THNSL2: variants seen among roughly 807,000 people sequenced by gnomAD.
THNSL2 encodes threonine synthase-like 2.
A neutral mutation model predicts 40.0 loss-of-function variants in THNSL2; 34 were observed. The observed-to-expected ratio is 0.85, with a 90% CI of 0.65 to 1.13. The LOEUF (loss-of-function observed/expected upper bound fraction) is 1.13. Among genes scored for constraint, THNSL2 ranks in the 50% most tolerant of loss-of-function variants. THNSL2 has a pLI of 0.00. For missense variants in THNSL2, 537 were observed against 608.8 expected, an observed-to-expected ratio of 0.88 and a Z score of 1.24; for synonymous variants, 241 against 247.5, an observed-to-expected ratio of 0.97 and a Z score of 0.25.
Position 88,173,268 on chromosome 2 carries a change from A to G in THNSL2, c.118A>G (p.Arg40Gly). ...FMPEELPQLD[R>G]GTLCQWSTLS... ...GCCTGAAGAGCTCCCACAGTTGGAC[A>G]GAGGGACCCTGTGCCAGTGGAGCAC... Residue 40 changes from arginine (R) to glycine (G), a missense_variant, in exon 2 of 9, where the codon AGA becomes GGA. By Grantham distance (125) the Arg-to-Gly change is moderately radical. Coordinates refer to ENST00000674334, the MANE Select transcript of THNSL2 (RefSeq NM_018271.5). 1 of 1,612,450 alleles carries G rather than the reference A, an allele frequency of 6.2e-7. No individual in the cohort carries two copies. Among genetic ancestry groups the G allele is most frequent in the African/African-American group, 1.3e-5 (1 of 75,010 alleles).
chr2:88,177,470 T>G (rs1034908590), intron 4 of THNSL2, among the ~76,000 whole-genome samples: 1 of 152,206 alleles, frequency 6.6e-6, no homozygotes, highest in Admixed American at 6.5e-5. Context: ...AAGTGCTAGG[T>G]ATTTATTGTT....
Position 88,183,087 on chromosome 2 carries a change from C to T in THNSL2, c.1077+14C>T. 6.2e-7 allele frequency: 1 copy of T among 1,609,272 alleles called. No individual in the cohort carries two copies. Among genetic ancestry groups the T allele is most frequent in the Non-Finnish European group, 8.5e-7 (1 of 1,177,354 alleles). On this transcript the variant is annotated intron_variant, in intron 7 of 8. Coordinates refer to ENST00000674334, the MANE Select transcript of THNSL2 (RefSeq NM_018271.5). ...CTGCACAGCAAGGTCAGTCACTACC[C>T]ACACACCACAGAGAAAGGAAAGGGT...
intron 2 of THNSL2, among the ~76,000 whole-genome samples, chr2:88,174,252 A>T (rs1319987647): frequency 3.3e-5 from 5 of 152,174 alleles, no homozygotes; most frequent in Non-Finnish European, 7.4e-5. Flanking sequence ...TAATGTAAGA[A>T]ACAAAAAGCT....
chr2:88,179,869 G>A (rs1573192448), intron 5 of THNSL2, among the ~76,000 whole-genome samples: 1 of 152,338 alleles, frequency 6.6e-6, no homozygotes, highest in Middle Eastern at 3.4e-3. Flanking sequence ...TAGTCTGGCT[G>A]CAGAGCTGGT....
At chr2:88,170,552 G>T (rs1172829546) in intron 1 of THNSL2, 96 bp downstream of exon 1, 1 of 152,346 alleles carries the variant, frequency 6.6e-6, no homozygotes, top group Non-Finnish European at 1.5e-5. Context: ...CCTGATTCCC[G>T]CAGGCCCACG....
intron 1 of THNSL2, among the ~76,000 whole-genome samples, chr2:88,170,774 C>T (rs1676279987): frequency 6.6e-6 from 1 of 152,096 alleles, no homozygotes; most frequent in Non-Finnish European, 1.5e-5. Flanking sequence ...AGGCCGCCCT[C>T]CTTGGCGGGA....
In THNSL2 at chr2:88,174,668, C is replaced by T. The variant is rs781032836; in HGVS notation, c.253C>T (p.Arg85Cys). 7 of 1,614,128 alleles carry T rather than the reference C, an allele frequency of 4.3e-6. No individual in the cohort carries two copies. The East Asian group carries it at 6.7e-5, about 15-fold the overall frequency. The change falls in exon 3 of 9, where the codon CGT becomes TGT. Residue 85 changes from arginine (R) to cysteine (C), a missense_variant. Physicochemically the swap from Arg to Cys is radical, Grantham distance 180. Coordinates refer to ENST00000674334, the MANE Select transcript of THNSL2 (RefSeq NM_018271.5). ...GATCGACCGAGCCTTCAGCAGATTC[C>T]GTCACAGAGAAGTGGTCCATCTGTC... ...DLIDRAFSRFRHREVVHLSRL... is the reference protein window; with the variant it reads ...DLIDRAFSRFCHREVVHLSRL...
chr2:88,173,156 G>A lies in THNSL2; in HGVS notation c.6G>A (p.Trp2Ter). M[W>*]YVSTRGVAPR... ...CTCTGCAGGCCTCCAGGATCATGTGGTATGTCAGCACCAGGGGCGTAGCCC... is the reference window on the plus strand; with the variant it reads ...CTCTGCAGGCCTCCAGGATCATGTGATATGTCAGCACCAGGGGCGTAGCCC... The change falls in exon 2 of 9, where the codon TGG (tryptophan) becomes TGA (stop). Residue 2 changes from tryptophan (W) to a stop codon, truncating the protein, a stop_gained. Coordinates refer to ENST00000674334, the MANE Select transcript of THNSL2 (RefSeq NM_018271.5). LOFTEE classifies it high-confidence loss of function. 1 of 1,556,892 alleles carries A rather than the reference G, an allele frequency of 6.4e-7. No individual in the cohort carries two copies. Among genetic ancestry groups the A allele is most frequent in the Non-Finnish European group, 8.7e-7 (1 of 1,149,392 alleles).
chr2:88,172,257 C>A (rs984955110), intron 1 of THNSL2: 2 of 152,278 alleles, frequency 1.3e-5, no homozygotes, highest in Non-Finnish European at 2.9e-5. Context: ...GGGAAAGTAA[C>A]TGATGTGGAA....
chr2:88,185,322 C>T lies in THNSL2; in HGVS notation c.1078-6C>T, dbSNP rs750541957. 9 of 1,611,614 alleles carry T rather than the reference C, an allele frequency of 5.6e-6. No homozygotes were observed. In the Admixed American group the frequency reaches 6.7e-5, roughly 12 times the overall value. Reference sequence around the variant, plus strand: ...CACCTCATCTTTCTGACCTGGGACCCTTCAGCTTTCAGAGGCAGTGACATC... The same window carrying T: ...CACCTCATCTTTCTGACCTGGGACCTTTCAGCTTTCAGAGGCAGTGACATC... On this transcript the variant is annotated splice_polypyrimidine_tract_variant and splice_region_variant and intron_variant, in intron 7 of 8. Transcript: ENST00000674334.
intron 8 of THNSL2, 63 bp from the exon 9 acceptor site, chr2:88,185,835 C>G: frequency 6.5e-7 from 1 of 1,544,964 alleles, no homozygotes; most frequent in Non-Finnish European, 8.8e-7. Context: ...CCTCCACCTT[C>G]TCCTTTCCCA....
intron 5 of THNSL2, among the ~76,000 whole-genome samples, chr2:88,181,782 C>G (rs1406586933): frequency 6.6e-6 from 1 of 152,052 alleles, no homozygotes. Context: ...TTTCTTTAGA[C>G]CACCTCCTTC....
At chr2:88,182,533 T>C (rs1677793900) in intron 5 of THNSL2, 166 bp from the exon 6 acceptor site, 2 of 656,488 alleles carry the variant, frequency 3.0e-6, no homozygotes, top group East Asian at 2.8e-5. Context: ...ATTGCATTTT[T>C]CCCCATTCTG....
intron 2 of THNSL2, 78 bp from the exon 3 acceptor site, chr2:88,174,561 T>G: frequency 6.7e-7 from 1 of 1,487,328 alleles, no homozygotes; most frequent in Non-Finnish European, 9.1e-7. Flanking sequence ...AGTTGGAAAC[T>G]TTATATTCAG....
At chr2:88,171,247 A>G (rs542358997) in intron 1 of THNSL2, 7 of 456,208 alleles carry the variant, frequency 1.5e-5, no homozygotes, top group African/African-American at 6.0e-5. Flanking sequence ...TTGGCCTGGG[A>G]ATGCTGCCCC....
rs4129190 is a variant in THNSL2, at chr2:88,173,272, G to A, written c.122G>A (p.Gly41Glu). The change falls in exon 2 of 9, where the codon GGG (glycine) becomes GAG (glutamate). Residue 41 changes from glycine (G) to glutamate (E), a missense_variant. Transcript: ENST00000674334. ...MPEELPQLDRGTLCQWSTLSY... is the reference protein window; with the variant it reads ...MPEELPQLDRETLCQWSTLSY... ...GAAGAGCTCCCACAGTTGGACAGAG[G>A]GACCCTGTGCCAGTGGAGCACACTC... is the stretch of plus-strand genomic sequence containing the variant. 1,368,177 of 1,612,190 alleles carry A rather than the reference G, an allele frequency of 0.85. 581,644 individuals carry two copies. Among genetic ancestry groups the A allele is most frequent in the African/African-American group, 0.92 (68,729 of 74,976 alleles).
At chr2:88,182,892 G>T in intron 6 of THNSL2, 45 bp downstream of exon 6, 1 of 1,611,926 alleles carries the variant, frequency 6.2e-7, no homozygotes, top group Non-Finnish European at 8.5e-7. Flanking sequence ...GTGTTGGTTG[G>T]GTGGGGCTCG....
chr2:88,179,126 C>G, intron 5 of THNSL2, 113 bp downstream of exon 5: 1 of 1,097,154 alleles, frequency 9.1e-7, no homozygotes, highest in South Asian at 1.4e-5. Context: ...AGTCCCAGTT[C>G]TGAAGGTGAT....
intron 4 of THNSL2, chr2:88,176,667 A>G (rs1172927385): frequency 6.6e-6 from 1 of 152,222 alleles, no homozygotes; most frequent in Non-Finnish European, 1.5e-5. Flanking sequence ...ACCTTATCCA[A>G]AGGAGCAGCA....
Sources: gnomAD v4.1 joint callset for allele counts (sites outside exome capture counted in the v4.1 genomes callset) on GRCh38, gnomAD v4.1.1 for gene constraint, MANE v1.5 for transcripts, NCBI Gene and HGNC (gene_info 2026-07-23, HGNC 2026-07-21) for gene names.